ARHGEF10: variants seen among roughly 807,000 people sequenced by gnomAD.
ARHGEF10 encodes the protein Rho guanine nucleotide exchange factor 10.
ARHGEF10 carries 140 observed loss-of-function variants against 147.4 expected under a neutral mutation model. The observed-to-expected ratio is 0.95, with a 90% CI of 0.83 to 1.09. The LOEUF is 1.09. ARHGEF10 is among the 50% of genes least tolerant of loss of function. ARHGEF10 has a pLI of 0.00. For synonymous variants in ARHGEF10, 902 were observed against 695.8 expected, an observed-to-expected ratio of 1.30 and a Z score of -4.67; for missense variants, 2,222 against 1,752.7, an observed-to-expected ratio of 1.27 and a Z score of -4.78.
chr8:1,842,070 G>GCGGGAACTGGGGCCGCGA (rs1804134754), intron 1 of ARHGEF10, among the ~76,000 whole-genome samples: 1 of 137,158 alleles, frequency 7.3e-6, no homozygotes, highest in African/African-American at 2.6e-5. Flanking sequence ...TGGGGCCGCG[G>GCGGGAACTGGGGCCGCGA]CGGGAACTGG....
At chr8:1,952,863 G>C in intron 28 of ARHGEF10, 36 bp downstream of exon 28, 1 of 1,613,454 alleles carries the variant, frequency 6.2e-7, no homozygotes, top group East Asian at 2.2e-5. Flanking sequence ...GCTGCATCCT[G>C]TCTTGCAGGC....
chr8:1,844,391 G>C (rs1804350643), intron 2 of ARHGEF10, among the ~76,000 whole-genome samples: 1 of 152,170 alleles, frequency 6.6e-6, no homozygotes, highest in Non-Finnish European at 1.5e-5. Context: ...ACCGGGGCCT[G>C]GTAGATGACA....
Position 1,836,333 on chromosome 8 carries a change from G to A in ARHGEF10, c.-47-7020G>A, listed in dbSNP as rs575383437. Among the ~76,000 whole-genome samples, 250 of 152,324 alleles carry A rather than the reference G, an allele frequency of 1.6e-3. 2 individuals carry two copies. The highest frequency in any genetic ancestry group is 5.9e-3 in the African/African-American group (245 of 41,556). On this transcript the variant is annotated intron_variant, in intron 1 of 28. Transcript: ENST00000349830. ...TGCTGCACGCTCCTGGGGATAGAGT[G>A]TTTTGAAAGCGGAGTCTTCTGCTCT...
chr8:1,939,818 G>A (rs1813933795), intron 26 of ARHGEF10, among the ~76,000 whole-genome samples: 1 of 152,222 alleles, frequency 6.6e-6, no homozygotes. Flanking sequence ...CCGGGGACTG[G>A]GGGGAAGCAT....
At chr8:1,874,897 G>GGTAGAGGTT (rs1807543381) in intron 7 of ARHGEF10, among the ~76,000 whole-genome samples, 1 of 31,764 alleles carries the variant, frequency 3.1e-5, no homozygotes, top group African/African-American at 1.2e-4. Context: ...CACACCCGGG[G>GGTAGAGGTT]CCGTGTAGGG....
At chr8:1,922,350 C>A (rs1188875499) in intron 18 of ARHGEF10, among the ~76,000 whole-genome samples, 1 of 151,520 alleles carries the variant, frequency 6.6e-6, no homozygotes, top group Non-Finnish European at 1.5e-5. Flanking sequence ...AAATGTGGTT[C>A]AGATTAAATG....
intron 7 of ARHGEF10, chr8:1,869,802 C>T: frequency 5.4e-6 from 1 of 186,104 alleles, no homozygotes; most frequent in South Asian, 1.0e-4. Flanking sequence ...ACACAGGAAC[C>T]GCTATTCCAC....
chr8:1,917,050 T>A (rs1811812018), intron 18 of ARHGEF10, among the ~76,000 whole-genome samples: 2 of 152,262 alleles, frequency 1.3e-5, no homozygotes, highest in Non-Finnish European at 2.9e-5. Flanking sequence ...TGATTGAAAC[T>A]GAGTTTATTG....
At chr8:1,825,801 C>A (rs538034502) in intron 1 of ARHGEF10, among the ~76,000 whole-genome samples, 2 of 152,270 alleles carry the variant, frequency 1.3e-5, no homozygotes, top group East Asian at 3.9e-4. Context: ...GGTTTTAATT[C>A]TTTTCTCTGG....
At chr8:1,932,759 C>T (rs1429769743) in intron 25 of ARHGEF10, among the ~76,000 whole-genome samples, 2 of 152,204 alleles carry the variant, frequency 1.3e-5, no homozygotes, top group Non-Finnish European at 2.9e-5. Flanking sequence ...TGACTGCACA[C>T]CTCCACTTCA....
At chr8:1,940,451 T>C (rs1813993486) in intron 26 of ARHGEF10, among the ~76,000 whole-genome samples, 1 of 152,136 alleles carries the variant, frequency 6.6e-6, no homozygotes, top group Admixed American at 6.5e-5. Context: ...AACATTTGAA[T>C]AGACCTAAAA....
At chr8:1,858,235 G>T (rs1252314637) in intron 3 of ARHGEF10, 120 bp downstream of exon 3, 4 of 882,910 alleles carry the variant, frequency 4.5e-6, no homozygotes, top group Non-Finnish European at 5.0e-6. Context: ...TGAGTCCCCA[G>T]GTGGGTCCCC....
At chr8:1,839,999 T>C (rs1321222167) in intron 1 of ARHGEF10, among the ~76,000 whole-genome samples, 21 of 132,804 alleles carry the variant, frequency 1.6e-4, no homozygotes, top group East Asian at 9.8e-4. Flanking sequence ...GGGGACTGTC[T>C]GGTGTGGAAG....
intron 1 of ARHGEF10, among the ~76,000 whole-genome samples, chr8:1,841,287 AT>A (rs1804012765): frequency 6.6e-6 from 1 of 152,178 alleles, no homozygotes; most frequent in Admixed American, 6.5e-5. Context: ...GTAGAAGGTT[AT>A]TTGGGTCACG....
chr8:1,899,770 T>C (rs1487322629), intron 15 of ARHGEF10, among the ~76,000 whole-genome samples: 2 of 152,276 alleles, frequency 1.3e-5, no homozygotes, highest in East Asian at 3.8e-4. Context: ...TACTGAGTTC[T>C]AATACGTGCG....
intron 13 of ARHGEF10, among the ~76,000 whole-genome samples, chr8:1,894,928 C>T (rs1340501625): frequency 1.3e-5 from 2 of 152,118 alleles, no homozygotes; most frequent in Admixed American, 1.3e-4. Flanking sequence ...TGTAAAATTG[C>T]CGTTTTTAAG....
chr8:1,841,496 G>A (rs1034024371), intron 1 of ARHGEF10, among the ~76,000 whole-genome samples: 34 of 152,176 alleles, frequency 2.2e-4, no homozygotes, highest in South Asian at 6.2e-4. Flanking sequence ...AAGCTACAGA[G>A]TGTGTTACGG....
intron 18 of ARHGEF10, among the ~76,000 whole-genome samples, chr8:1,922,009 A>C (rs780573683): frequency 6.6e-6 from 1 of 152,194 alleles, no homozygotes; most frequent in Non-Finnish European, 1.5e-5. Flanking sequence ...CATATTGCTT[A>C]AAGTACAGAC....
At position 1,956,874 on chromosome 8, in the gene ARHGEF10, G is replaced by T; in HGVS notation, c.3646G>T (p.Asp1216Tyr). The change falls in exon 29 of 29, where the codon GAC becomes TAC. Residue 1216 changes from aspartate to tyrosine, a missense_variant. By Grantham distance (160) the Asp-to-Tyr change is radical (BLOSUM62 -3). Coordinates refer to ENST00000349830, the MANE Select transcript of ARHGEF10 (RefSeq NM_014629.4). ...CCTGGCTCCTGGCCCCGAGCCTCAG[G>T]ACGAAGACCAGAAGGACGCACTTCC... ...DSLAPGPEPQDEDQKDALPSG... is the reference protein window; with the variant it reads ...DSLAPGPEPQYEDQKDALPSG... The T allele has an allele frequency of 6.2e-7, 1 of 1,614,124 alleles. No individual in the cohort carries two copies. The highest frequency in any genetic ancestry group is 8.5e-7 in the Non-Finnish European group (1 of 1,180,028).
Sources: allele counts gnomAD v4.1 joint callset (sites outside exome capture counted in the v4.1 genomes callset), GRCh38; gene constraint gnomAD v4.1.1; transcripts MANE v1.5; gene names NCBI Gene and HGNC (gene_info 2026-07-23, HGNC 2026-07-21).